VOPP1: variants seen among roughly 807,000 people sequenced by gnomAD.
VOPP1 encodes VOPP1 WW domain binding protein.
Under a neutral mutation model 23.5 loss-of-function variants are expected in VOPP1, and 8 were observed. The ratio of observed to expected loss-of-function variants is 0.34; its 90% CI spans 0.20 to 0.61. The LOEUF (loss-of-function observed/expected upper bound fraction) is 0.61, where lower values mean the gene tolerates loss of function less well. Among genes scored for constraint, VOPP1 ranks in the 20% least tolerant of loss-of-function variants. VOPP1 has a pLI of 0.78. For synonymous variants in VOPP1, 83 were observed against 97.3 expected (o/e 0.85, Z 0.86); for missense variants, 174 against 238.1 (o/e 0.73, Z 1.77).
At position 55,557,626 on chromosome 7, in the gene VOPP1, T is replaced by C. The variant is rs547672634; in HGVS notation, c.54+14645A>G. On this transcript the variant is annotated intron_variant, in intron 1 of 4. Transcript: ENST00000285279. ...AAATGAGTGCCCCATTAGAAAATAC[T>C]GGAATATTGTGGGGATGGGAAAAGG... is the stretch of plus-strand genomic sequence containing the variant. Among the ~76,000 whole-genome samples the C allele has an allele frequency of 5.6e-4, 85 of 152,208 alleles. No homozygotes were observed. The Middle Eastern group carries it at 0.01, about 18-fold the overall frequency.
chr7:55,497,868 C>T (rs1426424426), intron 2 of VOPP1, among the ~76,000 whole-genome samples, 178 bp from the exon 3 acceptor site: 1 of 152,262 alleles, frequency 6.6e-6, no homozygotes, highest in Non-Finnish European at 1.5e-5. Flanking sequence ...TGACATCAGC[C>T]TGTGGCCCAA....
chr7:55,466,328 G>C (rs769592836), downstream of VOPP1, among the ~76,000 whole-genome samples: 3 of 152,236 alleles, frequency 2.0e-5, no homozygotes, highest in East Asian at 1.9e-4. Flanking sequence ...GGGTAGAAAG[G>C]CTGGCATAGT....
chr7:55,475,436 T>C (rs1792167559), intron 4 of VOPP1, among the ~76,000 whole-genome samples: 2 of 152,132 alleles, frequency 1.3e-5, no homozygotes, highest in Non-Finnish European at 2.9e-5. Context: ...GGTGATTCAT[T>C]TGCTGACAGG....
At chr7:55,469,092 T>C (rs989147913), downstream of VOPP1, among the ~76,000 whole-genome samples, 1 of 152,236 alleles carries the variant, frequency 6.6e-6, no homozygotes, top group Non-Finnish European at 1.5e-5. Context: ...TAATTTTTTT[T>C]CAGCTTTTCT....
chr7:55,465,415 T>A (rs894588817), intron 4 of VOPP1, among the ~76,000 whole-genome samples: 1 of 152,234 alleles, frequency 6.6e-6, no homozygotes, highest in African/African-American at 2.4e-5. Context: ...TGATGGTGTA[T>A]GTGAAAACCC....
intron 4 of VOPP1, among the ~76,000 whole-genome samples, chr7:55,438,940 G>C (rs1412369840): frequency 6.6e-6 from 1 of 152,162 alleles, no homozygotes; most frequent in Non-Finnish European, 1.5e-5. Context: ...ACAGTTGTCA[G>C]CTATGGCTCA....
At chr7:55,452,186 A>C (rs1583800968) in intron 4 of VOPP1, among the ~76,000 whole-genome samples, 1 of 152,204 alleles carries the variant, frequency 6.6e-6, no homozygotes, top group African/African-American at 2.4e-5. Flanking sequence ...AGTAGATTCC[A>C]TTTCAAGAAA....
intron 1 of VOPP1, among the ~76,000 whole-genome samples, chr7:55,536,114 T>C (rs1207311204): frequency 1.3e-5 from 2 of 152,184 alleles, no homozygotes; most frequent in Non-Finnish European, 1.5e-5. Flanking sequence ...CAGGAAACCT[T>C]TGGTGGAAAC....
rs1326741691 is a variant in VOPP1, at chr7:55,489,489, CTT to C, written c.328+2791_328+2792del. ...TTACATGGTTTCCTAGCATTCTCAACTTTCTCTCCCTCGCACTCATGATGGTC... is the reference window on the plus strand; with the variant it reads ...TTACATGGTTTCCTAGCATTCTCAACTCTCTCCCTCGCACTCATGATGGTC... On this transcript the variant is annotated intron_variant, in intron 4 of 4. Transcript: ENST00000285279. Among the ~76,000 whole-genome samples, 5 of 152,306 alleles carry C rather than the reference CTT, an allele frequency of 3.3e-5. No homozygotes were observed. In the East Asian group the frequency reaches 7.7e-4, roughly 23 times the overall value.
intron 3 of VOPP1, among the ~76,000 whole-genome samples, chr7:55,495,510 C>A (rs946960662): frequency 6.6e-6 from 1 of 152,234 alleles, no homozygotes; most frequent in Admixed American, 6.5e-5. Context: ...TCTGGCCCTG[C>A]AAGGTGCTGT....
chr7:55,543,430 A>ACCTG (rs1263363606), intron 1 of VOPP1, among the ~76,000 whole-genome samples: 4 of 152,188 alleles, frequency 2.6e-5, no homozygotes, highest in African/African-American at 7.2e-5. Context: ...CATTTAAAAT[A>ACCTG]CCTGGCAATG....
At chr7:55,529,154 C>T (rs1177331252) in intron 1 of VOPP1, among the ~76,000 whole-genome samples, 6 of 152,128 alleles carry the variant, frequency 3.9e-5, no homozygotes, top group East Asian at 1.9e-4. Context: ...CCAAGGCTGG[C>T]GGATCACAAG....
chr7:55,491,863 C>A (rs554695157), intron 4 of VOPP1, among the ~76,000 whole-genome samples: 30 of 152,244 alleles, frequency 2.0e-4, no homozygotes, highest in Middle Eastern at 3.4e-3. Flanking sequence ...GAAAACAAAA[C>A]AAATTATCAG....
Position 55,472,883 on chromosome 7 carries a change from G to A in VOPP1, c.491C>T (p.Pro164Leu), listed in dbSNP as rs1439266900. ...CTTGGCCTTCACTACCTGTTCGTACGGGGGCGGAGGCGTGTTGCAGTAGGC... is the reference window on the plus strand; with the variant it reads ...CTTGGCCTTCACTACCTGTTCGTACAGGGGCGGAGGCGTGTTGCAGTAGGC... ...PPAYCNTPPP[P>L]YEQVVKAK Residue 164 changes from proline to leucine, a missense_variant, in exon 5 of 5, where the codon CCG becomes CTG. Transcript: ENST00000285279. The A allele has an allele frequency of 7.0e-6, 10 of 1,434,420 alleles. No individual in the cohort carries two copies. Among genetic ancestry groups the A allele is most frequent in the Non-Finnish European group, 6.4e-6 (7 of 1,085,778 alleles). 88.9% of individuals were successfully genotyped at this position (1,434,420 alleles called of 1,614,324 possible).
intron 2 of VOPP1, among the ~76,000 whole-genome samples, chr7:55,519,825 C>T (rs1795722423): frequency 2.0e-5 from 3 of 152,212 alleles, no homozygotes; most frequent in Admixed American, 2.0e-4. Context: ...ACACTGGGCT[C>T]CTCAAGAATG....
At chr7:55,480,149 CTA>C (rs1353052120) in intron 4 of VOPP1, among the ~76,000 whole-genome samples, 1 of 152,136 alleles carries the variant, frequency 6.6e-6, no homozygotes, top group African/African-American at 2.4e-5. Context: ...CGTAGCATTC[CTA>C]TGATTTGCAG....
intron 1 of VOPP1, among the ~76,000 whole-genome samples, chr7:55,550,457 T>C (rs1163477823): frequency 6.6e-6 from 1 of 152,218 alleles, no homozygotes; most frequent in Non-Finnish European, 1.5e-5. Flanking sequence ...TGAAAAAAGC[T>C]TTCTGAAAGT....
At chr7:55,556,516 C>A (rs147962605) in intron 1 of VOPP1, among the ~76,000 whole-genome samples, 6 of 152,134 alleles carry the variant, frequency 3.9e-5, no homozygotes, top group Non-Finnish European at 2.9e-5. Flanking sequence ...ACTCCCTCCA[C>A]GACAGGCCAT....
At chr7:55,505,617 A>C (rs1249798157) in intron 2 of VOPP1, among the ~76,000 whole-genome samples, 1 of 125,312 alleles carries the variant, frequency 8.0e-6, no homozygotes, top group Non-Finnish European at 1.6e-5. Context: ...AGAAAGAGAG[A>C]GGGGGAAGGA....
Sources: gnomAD v4.1 joint callset for allele counts (sites outside exome capture counted in the v4.1 genomes callset) on GRCh38, gnomAD v4.1.1 for gene constraint, MANE v1.5 for transcripts, NCBI Gene and HGNC (gene_info 2026-07-23, HGNC 2026-07-21) for gene names.